MTSS2: variants seen among roughly 807,000 people sequenced by gnomAD.
MTSS2 encodes MTSS I-BAR domain containing 2, also known as protein MTSS 2.
In MTSS2, 27 loss-of-function variants were observed where a neutral mutation model predicts 67.1. That is an observed-to-expected ratio of 0.40 (90% CI 0.30 to 0.55). The LOEUF (loss-of-function observed/expected upper bound fraction) is 0.55, where lower values mean the gene tolerates loss of function less well. MTSS2 is among the 20% of genes least tolerant of loss of function. The probability of loss-of-function intolerance (pLI) is 0.43; values close to 1 mark genes in which losing one functional copy is unlikely to be tolerated. For missense variants in MTSS2, 1,171 were observed against 1,067.8 expected (o/e 1.10, Z -1.35); for synonymous variants, 624 against 468.6 (o/e 1.33, Z -4.28).
intron 11 of MTSS2, among the ~76,000 whole-genome samples, chr16:70,669,647 C>T (rs1477015096): frequency 6.6e-6 from 1 of 152,054 alleles, no homozygotes; most frequent in Non-Finnish European, 1.5e-5. Flanking sequence ...GAAACCCCGT[C>T]TCTACTAAAA....
chr16:70,665,156 G>A (rs764879263), intron 12 of MTSS2, 60 bp from the exon 13 acceptor site: 3 of 1,519,490 alleles, frequency 2.0e-6, no homozygotes, highest in South Asian at 2.6e-5. Flanking sequence ...TGGCCCGGGG[G>A]CCCGTCACTG....
chr16:70,663,791 TGGGGTGGGCGTCTCCTCCGTG>T lies in MTSS2; in HGVS notation c.2109_2129del (p.Thr704_Pro710del), dbSNP rs757825656. On this transcript the variant is annotated inframe_deletion, in exon 15 of 15. Coordinates refer to ENST00000338779, the MANE Select transcript of MTSS2 (RefSeq NM_138383.3). The stretch of plus-strand genomic sequence containing the variant: ...GGGGGTCGCTGGTGGCGGCTGGGGG[TGGGGTGGGCGTCTCCTCCGTG>T]GGGGTGGCCGACAGAGCAGTGGGGA... The T allele has an allele frequency of 2.2e-5, 24 of 1,095,674 alleles. No individual in the cohort carries two copies. Among genetic ancestry groups the T allele is most frequent in the East Asian group, 4.7e-5 (1 of 21,230 alleles). 67.9% of individuals were successfully genotyped at this position (1,095,674 alleles called of 1,614,324 possible).
At chr16:70,684,885 G>A (rs891978934) in intron 1 of MTSS2, among the ~76,000 whole-genome samples, 2 of 152,186 alleles carry the variant, frequency 1.3e-5, no homozygotes, top group Admixed American at 6.5e-5. Flanking sequence ...AAAAATGGGG[G>A]CTGAGGTCAG....
At position 70,664,228 on chromosome 16, in the gene MTSS2, G is replaced by A. The variant is rs1460679039; in HGVS notation, c.1693C>T (p.Arg565Cys). Residue 565 changes from arginine to cysteine, a missense_variant, in exon 15 of 15, where the codon CGC (arginine) becomes TGC (cysteine). Physicochemically the swap from Arg to Cys is radical, Grantham distance 180. Around this residue, in one of 2 missense-constraint regions of MTSS2, gnomAD observed 924 missense variants for 756.0 expected, o/e 1.22. Transcript: ENST00000338779. ...GTGGGCTTGGTGGAGGGTGTGCGGC[G>A]GATGGTGGCCACGCCGGGGGGTGCG... ...SGAPPGVATI[R>C]RTPSTKPTVR... 11 of 1,576,540 alleles carry A rather than the reference G, an allele frequency of 7.0e-6. No individual in the cohort carries two copies. The highest frequency in any genetic ancestry group is 6.9e-6 in the Non-Finnish European group (8 of 1,166,740).
At chr16:70,665,355 C>A in intron 12 of MTSS2, 111 bp downstream of exon 12, 1 of 1,191,558 alleles carries the variant, frequency 8.4e-7, no homozygotes, top group South Asian at 1.5e-5. Context: ...GCTGTGTGCA[C>A]GCACCCCTGG....
At chr16:70,665,569 C>T (rs2151910382) in intron 11 of MTSS2, 29 bp from the exon 12 acceptor site, 2 of 1,536,094 alleles carry the variant, frequency 1.3e-6, no homozygotes, top group African/African-American at 1.4e-5. Context: ...CAGGCGGTTG[C>T]AGACAGAGGG....
At chr16:70,680,091 T>TG in intron 3 of MTSS2, 36 bp from the exon 4 acceptor site, 1 of 1,429,120 alleles carries the variant, frequency 7.0e-7, no homozygotes, top group Non-Finnish European at 9.1e-7. Flanking sequence ...AGGGGCCCGC[T>TG]GGGGCCTGCG....
intron 11 of MTSS2, among the ~76,000 whole-genome samples, chr16:70,666,734 A>T (rs1319788532): frequency 6.6e-6 from 1 of 152,236 alleles, no homozygotes; most frequent in Non-Finnish European, 1.5e-5. Flanking sequence ...AAAAAAACTC[A>T]ATGGAAAAAG....
chr16:70,682,395 C>T (rs900438476), intron 1 of MTSS2, among the ~76,000 whole-genome samples: 2 of 151,632 alleles, frequency 1.3e-5, no homozygotes, highest in Non-Finnish European at 2.9e-5. Context: ...GCCTGGACCC[C>T]CACCCCCACT....
Position 70,665,196 on chromosome 16 carries a change from C to T in MTSS2, c.1129-100G>A, listed in dbSNP as rs755162045. ...TGAGGCTCAGGGTGTCCAGGGCTATCAGGGGGTCTCTGGTTCGCAATCACA... is the reference window on the plus strand; with the variant it reads ...TGAGGCTCAGGGTGTCCAGGGCTATTAGGGGGTCTCTGGTTCGCAATCACA... On this transcript the variant is annotated intron_variant, in intron 12 of 14. Transcript: ENST00000338779. 5.9e-6 allele frequency: 8 copies of T among 1,360,036 alleles called. No homozygotes were observed. The East Asian group carries it at 7.1e-5, about 12-fold the overall frequency. The allele number at this position is 1,360,036 out of a possible 1,614,324, so 84.2% of individuals were successfully genotyped here.
At chr16:70,685,670 CG>C (rs1417346357) in intron 1 of MTSS2, 52 bp downstream of exon 1, 34 of 1,122,668 alleles carry the variant, frequency 3.0e-5, no homozygotes, top group South Asian at 1.4e-4. Flanking sequence ...CACGCGTCCC[CG>C]GGGGGTCCCG....
At chr16:70,671,759 G>T (rs548553796) in intron 11 of MTSS2, among the ~76,000 whole-genome samples, 6 of 152,250 alleles carry the variant, frequency 3.9e-5, no homozygotes, top group Admixed American at 1.3e-4. Flanking sequence ...CTTGGCACAC[G>T]CCACCTTAAC....
At chr16:70,670,044 G>A (rs902058039) in intron 11 of MTSS2, among the ~76,000 whole-genome samples, 1 of 152,120 alleles carries the variant, frequency 6.6e-6, no homozygotes, top group South Asian at 2.1e-4. Context: ...GCTGAGGGGG[G>A]TGGACTGCCT....
chr16:70,678,449 G>A (rs767983569), intron 7 of MTSS2, 40 bp from the exon 8 acceptor site: 1 of 1,579,092 alleles, frequency 6.3e-7, no homozygotes, highest in East Asian at 2.2e-5. Context: ...GGGGATGCCA[G>A]CCTGGCTTGC....
rs1192932212 is a variant in MTSS2, at chr16:70,685,747, G to T, written c.45C>A (p.Phe15Leu). The change falls in exon 1 of 15, where the codon TTC (phenylalanine) becomes TTA (leucine). Residue 15 changes from phenylalanine (F) to leucine (L), a missense_variant. Phe to Leu is a conservative substitution (Grantham distance 22, BLOSUM62 0). This residue lies in a region of MTSS2 where 247 missense variants were observed against 311.8 expected (regional missense o/e 0.79). Transcript: ENST00000338779. ...CCTTCATGTCGTTGACTATGGCCTG[G>T]AAGAGCCCGCCCAGGGCGCCGCACT... ...EKECGALGGL[F>L]QAIVNDMKSS... 1 of 1,391,378 alleles carries T rather than the reference G, an allele frequency of 7.2e-7. No individual in the cohort carries two copies. The highest frequency in any genetic ancestry group is 9.5e-7 in the Non-Finnish European group (1 of 1,052,778). 86.2% of individuals were successfully genotyped at this position (1,391,378 alleles called of 1,614,324 possible). A position where few individuals can be genotyped will look rare whatever the true frequency, so the allele number is the denominator to read the frequency against.
At position 70,664,115 on chromosome 16, in the gene MTSS2, G is replaced by T; in HGVS notation, c.1806C>A (p.Pro602=). ...PVKTPTVPDS[P]GYMGPTRAGS... ...CCGCCCGTGTGGGCCCCATGTAGCC[G>T]GGGGAGTCAGGCACCGTGGGCGTCT... Residue 602 remains proline (P), a synonymous_variant, in exon 15 of 15, where the codon CCC becomes CCA. Transcript: ENST00000338779. The T allele has an allele frequency of 1.2e-6, 2 of 1,611,358 alleles. No individual in the cohort carries two copies. The highest frequency in any genetic ancestry group is 1.7e-6 in the Non-Finnish European group (2 of 1,179,668).
chr16:70,665,436 CTG>C (rs2052676961), intron 12 of MTSS2, 28 bp downstream of exon 12: 1 of 1,542,104 alleles, frequency 6.5e-7, no homozygotes, highest in African/African-American at 1.4e-5. Context: ...CAGCTGGTGA[CTG>C]TCCTGGGGCC....
Position 70,677,124 on chromosome 16 carries a change from G to A in MTSS2, c.733-146C>T, listed in dbSNP as rs2053142955. The A allele has an allele frequency of 4.7e-6, 3 of 633,934 alleles. No homozygotes were observed. The South Asian group carries it at 6.3e-5, about 13-fold the overall frequency. 39.3% of individuals were successfully genotyped at this position (633,934 alleles called of 1,614,324 possible). A position where few individuals can be genotyped will look rare whatever the true frequency, so the allele number is the denominator to read the frequency against. On this transcript the variant is annotated intron_variant, in intron 9 of 14. Transcript: ENST00000338779. ...CCCCCTCCCCCAGGCTCCTCCTAAT[G>A]TGGGGAGCAGGGAGACACCAGAGGA...
At chr16:70,678,848 G>A (rs887172088) in intron 7 of MTSS2, among the ~76,000 whole-genome samples, 1 of 152,102 alleles carries the variant, frequency 6.6e-6, no homozygotes, top group African/African-American at 2.4e-5. Flanking sequence ...GCGGGGGCCA[G>A]GAGAGCTAGG....
Sources: allele counts gnomAD v4.1 joint callset (sites outside exome capture counted in the v4.1 genomes callset), GRCh38; gene constraint gnomAD v4.1.1; regional missense constraint gnomAD v4.1.1; transcripts MANE v1.5; gene names NCBI Gene and HGNC (gene_info 2026-07-23, HGNC 2026-07-21).